Variants in NXF1 observed in about 807,000 individuals in gnomAD.
The protein encoded by NXF1 is mRNA export factor TAP.
NXF1 carries 43 observed loss-of-function variants against 92.4 expected under a neutral mutation model. The ratio of observed to expected loss-of-function variants is 0.47; its 90% CI spans 0.36 to 0.60. NXF1 has a LOEUF of 0.60. NXF1 is among the 20% of genes least tolerant of loss of function. The pLI is 0.00. For synonymous variants in NXF1, 288 were observed against 292.2 expected, an observed-to-expected ratio of 0.99 and a Z score of 0.15; for missense variants, 576 against 793.0, an observed-to-expected ratio of 0.73 and a Z score of 3.29.
rs762440318 is a variant in NXF1 at position 62,792,451 on chromosome 11, G to C, written c.*25C>G. ...ATATCCAAGGACTATTTACAGGGGG[G>C]ACTGCTTCTGAGGCATGACTACGAT... On this transcript the variant is annotated 3_prime_UTR_variant, in exon 21 of 21. Transcript: ENST00000294172. 4 of 1,613,776 alleles carry C rather than the reference G, an allele frequency of 2.5e-6. No individual in the cohort carries two copies. The highest frequency in any genetic ancestry group is 2.7e-5 in the African/African-American group (2 of 75,034).
rs2084431030 is a variant in NXF1, at chr11:62,797,214, A to G, written c.1147T>C (p.Leu383=). 1.2e-6 allele frequency: 2 copies of G among 1,614,092 alleles called. No homozygotes were observed. The highest frequency in any genetic ancestry group is 2.7e-5 in the African/African-American group (2 of 74,932). The stretch of plus-strand genomic sequence containing the variant: ...AGGAAGTGCAAGACCAGACTCTTCA[A>G]GTTTTCTGTTCCAAAATAGCTTCCC... ...CKGSYFGTEN[L]KSLVLHFLQQ... The change falls in exon 13 of 21, where the codon TTG becomes CTG. Residue 383 remains leucine, a synonymous_variant. Transcript: ENST00000294172.
chr11:62,803,870 C>T lies in NXF1; in HGVS notation c.137G>A (p.Gly46Asp), dbSNP rs1295437465. The change falls in exon 2 of 21, where the codon GGT becomes GAT. Residue 46 changes from glycine to aspartate, a missense_variant. Transcript: ENST00000294172. ...TTCCTCAAGGCGGGAAGACCGAATA[C>T]CAGAACCGCCTCTTCCAGACCTACG... ...GNRRSGRGGS[G>D]IRSSRLEEDD... 1 of 1,614,088 alleles carries T rather than the reference C, an allele frequency of 6.2e-7. No individual in the cohort carries two copies. Among genetic ancestry groups the T allele is most frequent in the African/African-American group, 1.3e-5 (1 of 74,930 alleles).
At chr11:62,795,217 C>T (rs185505524) in intron 17 of NXF1, 5 of 509,458 alleles carry the variant, frequency 9.8e-6, no homozygotes, top group Non-Finnish European at 1.8e-5. Flanking sequence ...GTGTCTCATG[C>T]GTATAATCCC....
intron 18 of NXF1, 63 bp from the exon 19 acceptor site, chr11:62,794,503 C>A: frequency 7.0e-7 from 1 of 1,431,190 alleles, no homozygotes; most frequent in Non-Finnish European, 9.7e-7. Flanking sequence ...AACATCATTC[C>A]TATTCTCTGA....
rs753921712 is a variant in NXF1, at chr11:62,797,207, C to T, written c.1154G>A (p.Ser385Asn). Reference sequence around the variant, plus strand: ...CTGTTGCAGGAAGTGCAAGACCAGACTCTTCAAGTTTTCTGTTCCAAAATA... The same window carrying T: ...CTGTTGCAGGAAGTGCAAGACCAGATTCTTCAAGTTTTCTGTTCCAAAATA... The part of the protein sequence containing the change: ...GSYFGTENLK[S>N]LVLHFLQQYY... The change falls in exon 13 of 21, where the codon AGT becomes AAT. Residue 385 changes from serine to asparagine, a missense_variant. By Grantham distance (46) the Ser-to-Asn change is conservative. This residue lies in a region of NXF1 where 425 missense variants were observed against 635.2 expected (regional missense o/e 0.67). Coordinates refer to ENST00000294172, the MANE Select transcript of NXF1 (RefSeq NM_006362.5). The T allele has an allele frequency of 6.2e-7, 1 of 1,614,174 alleles. No homozygotes were observed. The highest frequency in any genetic ancestry group is 1.6e-4 in the Middle Eastern group (1 of 6,062).
chr11:62,805,209 C>T, intron 1 of NXF1, 120 bp downstream of exon 1: 2 of 934,702 alleles, frequency 2.1e-6, no homozygotes, highest in Non-Finnish European at 2.9e-6. Context: ...GCCCCCCGCG[C>T]GCCGCTCCCC....
At chr11:62,803,646 T>TCTAACTTA (rs2084503498) in intron 2 of NXF1, 74 bp from the exon 3 acceptor site, 3 of 1,581,318 alleles carry the variant, frequency 1.9e-6, no homozygotes, top group Non-Finnish European at 2.6e-6. Flanking sequence ...GCACTGTTAG[T>TCTAACTTA]GGGACTACAA....
chr11:62,805,395 G>A lies in NXF1; in HGVS notation c.-39C>T, dbSNP rs748531250. The A allele has an allele frequency of 9.3e-6, 15 of 1,609,158 alleles. No individual in the cohort carries two copies. Among genetic ancestry groups the A allele is most frequent in the Admixed American group, 3.4e-5 (2 of 59,352 alleles). On this transcript the variant is annotated 5_prime_UTR_variant, in exon 1 of 21. Coordinates refer to ENST00000294172, the MANE Select transcript of NXF1 (RefSeq NM_006362.5). ...TCAAGGGCGGGCTCAGGCGCTGGCCGCTACGCCGGCAAACAACCTAACTCC... is the reference window on the plus strand; with the variant it reads ...TCAAGGGCGGGCTCAGGCGCTGGCCACTACGCCGGCAAACAACCTAACTCC...
intron 13 of NXF1, 152 bp downstream of exon 13, chr11:62,797,031 G>C (rs1409990305): frequency 1.5e-6 from 1 of 672,786 alleles, no homozygotes; most frequent in Non-Finnish European, 2.5e-6. Flanking sequence ...TCACACCATT[G>C]CACTCCAGCC....
chr11:62,800,547 C>T (rs1469939155), intron 9 of NXF1, 61 bp from the exon 10 acceptor site: 1 of 1,137,750 alleles, frequency 8.8e-7, no homozygotes. Flanking sequence ...GCTGGCTCCC[C>T]ATACCCCCAG....
rs1208166250 is a variant in NXF1, at chr11:62,803,574, T to C, written c.216-2A>G. ...TTAGGTCGGGTGGTATAGGGGTTGC[T>C]GTGGGTAAGCAGAGAATAAAATGAC... is the stretch of plus-strand genomic sequence containing the variant. On this transcript the variant is annotated splice_acceptor_variant, in intron 2 of 20. Coordinates refer to ENST00000294172, the MANE Select transcript of NXF1 (RefSeq NM_006362.5). LOFTEE classifies it high-confidence loss of function. 1 of 1,614,106 alleles carries C rather than the reference T, an allele frequency of 6.2e-7. No homozygotes were observed. Among genetic ancestry groups the C allele is most frequent in the Non-Finnish European group, 8.5e-7 (1 of 1,180,024 alleles).
rs763032090 is a variant in NXF1 at position 62,803,812 on chromosome 11, C to T, written c.195G>A (p.Gln65=). 1 of 1,613,754 alleles carries T rather than the reference C, an allele frequency of 6.2e-7. No individual in the cohort carries two copies. Among genetic ancestry groups the T allele is most frequent in the African/African-American group, 1.3e-5 (1 of 74,912 alleles). The change falls in exon 2 of 21, where the codon CAG becomes CAA. Residue 65 remains glutamine, a synonymous_variant. Transcript: ENST00000294172. The part of the protein sequence containing the change: ...DDGDVAMSDA[Q]DGPRVRYNPY... ...CTCACTATCGTACTCGGGGACCATC[C>T]TGGGCATCACTCATTGCCACATCTC...
rs1428358041 is a variant in NXF1, at chr11:62,805,362, A to G, written c.-6T>C. 2 of 1,611,402 alleles carry G rather than the reference A, an allele frequency of 1.2e-6. No homozygotes were observed. The highest frequency in any genetic ancestry group is 2.7e-5 in the African/African-American group (2 of 74,840). The stretch of plus-strand genomic sequence containing the variant: ...GACTTCCCCTCGTCCGCCATGCCAC[A>G]GCGAAGATCAAGGGCGGGCTCAGGC... On this transcript the variant is annotated 5_prime_UTR_variant, in exon 1 of 21. Coordinates refer to ENST00000294172, the MANE Select transcript of NXF1 (RefSeq NM_006362.5).
chr11:62,795,054 G>A (rs1319136318), intron 17 of NXF1, 47 bp from the exon 18 acceptor site: 8 of 1,534,020 alleles, frequency 5.2e-6, no homozygotes, highest in Non-Finnish European at 7.2e-6. Flanking sequence ...AGTGCTTTAT[G>A]TTTACAAACA....
At position 62,801,425 on chromosome 11, in the gene NXF1, A is replaced by G; in HGVS notation, c.710-8T>C. On this transcript the variant is annotated splice_polypyrimidine_tract_variant and splice_region_variant and intron_variant, in intron 7 of 20. Transcript: ENST00000294172. The stretch of plus-strand genomic sequence containing the variant: ...TGTTCTGGGCCACCAAATCTTCAGG[A>G]AGCAGAAGGGAAGGAAAGGGAAGAC... 6.2e-7 allele frequency: 1 copy of G among 1,613,988 alleles called. No individual in the cohort carries two copies.
chr11:62,800,082 G>A (rs1210089126), intron 10 of NXF1: 3 of 1,243,530 alleles, frequency 2.4e-6, no homozygotes, highest in Non-Finnish European at 2.0e-6. Flanking sequence ...AAGGGGAGAT[G>A]CCTTTCCTGG....
At chr11:62,797,478 T>C in intron 11 of NXF1, 92 bp from the exon 12 acceptor site, 1 of 1,103,724 alleles carries the variant, frequency 9.1e-7, no homozygotes, top group Non-Finnish European at 1.3e-6. Context: ...GGCAGGCAGA[T>C]GGCTTGAGCT....
intron 11 of NXF1, among the ~76,000 whole-genome samples, chr11:62,797,790 G>A (rs966136663): frequency 3.3e-5 from 5 of 152,062 alleles, no homozygotes; most frequent in African/African-American, 1.2e-4. Context: ...GAAGAACTAA[G>A]AGAGAAGGGT....
intron 10 of NXF1, 88 bp from the exon 11 acceptor site, chr11:62,798,663 G>C (rs2084446769): frequency 1.3e-6 from 2 of 1,591,608 alleles, no homozygotes; most frequent in African/African-American, 2.7e-5. Context: ...AAACCCGAGG[G>C]ACAGCCCATC....
Sources: gnomAD v4.1 joint callset for allele counts (sites outside exome capture counted in the v4.1 genomes callset) on GRCh38, gnomAD v4.1.1 for gene constraint, gnomAD v4.1.1 regional missense constraint, MANE v1.5 for transcripts, NCBI Gene and HGNC (gene_info 2026-07-23, HGNC 2026-07-21) for gene names.